Variants in PALM2AKAP2 observed in about 807,000 individuals in gnomAD.
PALM2AKAP2 encodes PALM2 and AKAP2 fusion, also known as PALM2-AKAP2 fusion protein.
In PALM2AKAP2, 37 loss-of-function variants were observed where a neutral mutation model predicts 71.5. The ratio of observed to expected loss-of-function variants is 0.52; its 90% CI spans 0.40 to 0.68. The LOEUF (loss-of-function observed/expected upper bound fraction) is 0.68. PALM2AKAP2 is among the 30% of genes least tolerant of loss of function. The pLI, the probability that PALM2AKAP2 is intolerant of heterozygous loss-of-function variation, is 0.00. For missense variants in PALM2AKAP2, 1,224 were observed against 1,191.8 expected (o/e 1.03, Z -0.40); for synonymous variants, 468 against 478.8 (o/e 0.98, Z 0.29).
intron 1 of PALM2AKAP2, among the ~76,000 whole-genome samples, chr9:109,663,828 C>T (rs1037924891): frequency 1.3e-5 from 2 of 152,150 alleles, no homozygotes; most frequent in African/African-American, 4.8e-5. Flanking sequence ...GTCTAAGTCT[C>T]TTTGTAGGTC....
At chr9:109,923,458 A>C (rs148571767) in intron 3 of PALM2AKAP2, among the ~76,000 whole-genome samples, 4 of 152,226 alleles carry the variant, frequency 2.6e-5, no homozygotes, top group Non-Finnish European at 1.5e-5. Flanking sequence ...GTGCACATGC[A>C]TGGTGTTGGC....
rs1172391773 is a variant in PALM2AKAP2, at chr9:109,645,915, T to C, written c.5+5049T>C. 2.0e-5 allele frequency among the ~76,000 whole-genome samples: 3 copies of C among 151,804 alleles called. No homozygotes were observed. The South Asian group carries it at 6.2e-4, about 31-fold the overall frequency. Reference sequence around the variant, plus strand: ...CACCTGAATCTAAAATAAAATAAAATTTACAAAAGGTCTATCTTGGAAAAG... The same window carrying C: ...CACCTGAATCTAAAATAAAATAAAACTTACAAAAGGTCTATCTTGGAAAAG... On this transcript the variant is annotated intron_variant, in intron 1 of 6. Coordinates refer to the PALM2AKAP2 transcript ENST00000374531.
chr9:109,943,260 G>A (rs368597332), intron 6 of PALM2AKAP2: 28 of 1,614,232 alleles, frequency 1.7e-5, no homozygotes, highest in Non-Finnish European at 1.9e-5. Flanking sequence ...AGACAGTGAC[G>A]GACGTGTCCA....
intron 1 of PALM2AKAP2, among the ~76,000 whole-genome samples, chr9:109,710,249 T>C (rs990642838): frequency 6.6e-6 from 1 of 152,244 alleles, no homozygotes; most frequent in Non-Finnish European, 1.5e-5. Context: ...TGTGGTAATT[T>C]GTTAAAGCAG....
chr9:110,055,370 A>G (rs1324764277), intron 1 of PALM2AKAP2, among the ~76,000 whole-genome samples: 1 of 151,708 alleles, frequency 6.6e-6, no homozygotes, highest in East Asian at 1.9e-4. Context: ...TAATTTTTGT[A>G]TTTTTAGTAG....
intron 1 of PALM2AKAP2, among the ~76,000 whole-genome samples, chr9:109,836,014 C>T (rs935749969): frequency 1.3e-5 from 2 of 152,214 alleles, no homozygotes. Context: ...CCCTGTCTGA[C>T]AGCTTTGAAG....
At chr9:109,957,644 A>T in intron 6 of PALM2AKAP2, among the ~76,000 whole-genome samples, 1 of 152,212 alleles carries the variant, frequency 6.6e-6, no homozygotes, top group East Asian at 1.9e-4. Context: ...CTGAACTTTT[A>T]AGAAGCCTAT....
At chr9:109,673,483 T>A (rs549621477) in intron 1 of PALM2AKAP2, among the ~76,000 whole-genome samples, 172 of 152,274 alleles carry the variant, frequency 1.1e-3, no homozygotes, top group African/African-American at 3.6e-3. Context: ...ACGATTTCAG[T>A]TGTATTGCAT....
intron 1 of PALM2AKAP2, among the ~76,000 whole-genome samples, chr9:109,715,831 T>C (rs1189445278): frequency 1.3e-5 from 2 of 152,234 alleles, no homozygotes; most frequent in Non-Finnish European, 2.9e-5. Context: ...TCTTCTTCTT[T>C]CTTTTCTTCT....
chr9:109,928,877 T>G (rs1402426972), intron 5 of PALM2AKAP2, among the ~76,000 whole-genome samples: 2 of 152,018 alleles, frequency 1.3e-5, no homozygotes, highest in Admixed American at 6.6e-5. Context: ...ATGTTGGCCA[T>G]GCTGGTCTCA....
Position 110,016,103 on chromosome 9 carries a change from G to A in PALM2AKAP2, c.582+64G>A, listed in dbSNP as rs546222909. ...TCTAGAGTAAAGGCAGCCGATGGCA[G>A]GTTTTTCTGGGGGCAAAATGAACAC... On this transcript the variant is annotated intron_variant, in intron 7 of 9. Transcript: ENST00000302798. The A allele has an allele frequency of 5.5e-4, 819 of 1,499,552 alleles. 2 individuals carry two copies. Among genetic ancestry groups the A allele is most frequent in the South Asian group, 8.2e-4 (70 of 85,630 alleles). 92.9% of individuals were successfully genotyped at this position (1,499,552 alleles called of 1,614,324 possible). A position where few individuals can be genotyped will look rare whatever the true frequency, so the allele number is the denominator to read the frequency against.
chr9:109,807,699 A>G (rs980123478), intron 1 of PALM2AKAP2, among the ~76,000 whole-genome samples: 4 of 152,202 alleles, frequency 2.6e-5, no homozygotes, highest in Admixed American at 6.5e-5. Context: ...ATATGAACCA[A>G]TGGAGCCTCT....
intron 1 of PALM2AKAP2, among the ~76,000 whole-genome samples, chr9:110,095,051 G>T (rs566786053): frequency 6.6e-6 from 1 of 152,134 alleles, no homozygotes; most frequent in African/African-American, 2.4e-5. Flanking sequence ...TAGTACTCTG[G>T]ATTGGTAACG....
intron 1 of PALM2AKAP2, among the ~76,000 whole-genome samples, chr9:109,687,293 C>A (rs1421182655): frequency 6.6e-6 from 1 of 152,210 alleles, no homozygotes; most frequent in East Asian, 1.9e-4. Flanking sequence ...CTTCTCCTCT[C>A]TAGCTGTGAA....
intron 1 of PALM2AKAP2, among the ~76,000 whole-genome samples, chr9:109,712,395 A>G (rs909855873): frequency 2.0e-5 from 3 of 152,204 alleles, no homozygotes; most frequent in African/African-American, 2.4e-5. Context: ...AGGCTCTTTT[A>G]TCTCTATCCA....
At chr9:109,932,177 C>A in intron 6 of PALM2AKAP2, 149 bp downstream of exon 6, 1 of 853,796 alleles carries the variant, frequency 1.2e-6, no homozygotes, top group Non-Finnish European at 1.7e-6. Context: ...AGTGGCCACA[C>A]AAGGCAGGCA....
chr9:110,001,854 A>C (rs1832687336), intron 6 of PALM2AKAP2, among the ~76,000 whole-genome samples: 1 of 151,996 alleles, frequency 6.6e-6, no homozygotes, highest in African/African-American at 2.4e-5. Context: ...TGAATTTTGC[A>C]CATTGATTTT....
intron 1 of PALM2AKAP2, among the ~76,000 whole-genome samples, chr9:109,785,413 G>A (rs756524554): frequency 3.9e-5 from 6 of 152,192 alleles, no homozygotes; most frequent in Non-Finnish European, 7.3e-5. Flanking sequence ...ACAGATAGAG[G>A]TGGAAGAGTT....
At chr9:109,780,431 T>C, upstream of PALM2AKAP2, 1 of 1,612,272 alleles carries the variant, frequency 6.2e-7, no homozygotes, top group Non-Finnish European at 8.5e-7. Flanking sequence ...TTTCCTTGGG[T>C]GACTACAGCG....
Sources: gnomAD v4.1 joint callset for allele counts (sites outside exome capture counted in the v4.1 genomes callset) on GRCh38, gnomAD v4.1.1 for gene constraint, MANE v1.5 for transcripts, NCBI Gene and HGNC (gene_info 2026-07-23, HGNC 2026-07-21) for gene names.